OAF: variants seen among roughly 807,000 people sequenced by gnomAD.
OAF encodes out at first protein homolog.
Under a neutral mutation model 22.5 loss-of-function variants are expected in OAF, and 13 were observed. The ratio of observed to expected loss-of-function variants is 0.58; its 90% CI spans 0.38 to 0.92. OAF has a LOEUF of 0.92. OAF is among the 40% of genes least tolerant of loss of function. The probability of loss-of-function intolerance (pLI) is 0.00; values close to 1 mark genes in which losing one functional copy is unlikely to be tolerated. For synonymous variants in OAF, 175 were observed against 170.5 expected, an observed-to-expected ratio of 1.03 and a Z score of -0.21; for missense variants, 347 against 381.8, an observed-to-expected ratio of 0.91 and a Z score of 0.76.
intron 1 of OAF, among the ~76,000 whole-genome samples, chr11:120,219,511 C>G (rs544144743): frequency 6.6e-6 from 1 of 152,196 alleles, no homozygotes; most frequent in Non-Finnish European, 1.5e-5. Flanking sequence ...GGCTCCCTCC[C>G]CACCCTCAGT....
intron 1 of OAF, among the ~76,000 whole-genome samples, chr11:120,224,226 T>C (rs115429004): frequency 6.6e-6 from 1 of 152,146 alleles, no homozygotes; most frequent in South Asian, 2.1e-4. Context: ...TTTACAATAA[T>C]GGCAAGTAAG....
intron 1 of OAF, among the ~76,000 whole-genome samples, chr11:120,212,751 G>T (rs1292235189): frequency 1.3e-5 from 2 of 148,218 alleles, no homozygotes; most frequent in African/African-American, 2.5e-5. Context: ...GGTGGGTGGG[G>T]TTGGGGGGTG....
At chr11:120,213,480 T>TCAC (rs1432538400) in intron 1 of OAF, among the ~76,000 whole-genome samples, 13 of 152,146 alleles carry the variant, frequency 8.5e-5, no homozygotes, top group African/African-American at 2.4e-5. Context: ...TCCAATTTCA[T>TCAC]CAGCAAGGGA....
intron 1 of OAF, among the ~76,000 whole-genome samples, chr11:120,216,832 C>G (rs1017882600): frequency 1.3e-5 from 2 of 152,228 alleles, no homozygotes; most frequent in Admixed American, 6.5e-5. Flanking sequence ...GACTCCTGTT[C>G]CGCTGGCGGA....
chr11:120,229,009 A>T lies in OAF; in HGVS notation c.689A>T (p.Lys230Met). The T allele has an allele frequency of 6.2e-7, 1 of 1,613,546 alleles. No homozygotes were observed. Among genetic ancestry groups the T allele is most frequent in the Non-Finnish European group, 8.5e-7 (1 of 1,180,002 alleles). The change falls in exon 4 of 4, where the codon AAG (lysine) becomes ATG (methionine). Residue 230 changes from lysine (K) to methionine (M), a missense_variant. By Grantham distance (95) the Lys-to-Met change is moderately conservative. Coordinates refer to ENST00000328965, the MANE Select transcript of OAF (RefSeq NM_178507.4). ...CTGGCCTGGTACCCCTGCATGCTCA[A>T]GTACTGCCACAGCCGCGACCGGCCC... Reference protein sequence around the residue: ...LSLAWYPCMLKYCHSRDRPTP... With the variant: ...LSLAWYPCMLMYCHSRDRPTP...
Position 120,228,926 on chromosome 11 carries a change from T to C in OAF, c.606T>C (p.Pro202=). ...LPKASEQAEL[P]RCRQVGDHGK... is the part of the protein sequence containing the mutation. Reference sequence around the variant, plus strand: ...AGGCCTCAGAGCAGGCGGAGCTGCCTCGCTGCAGGCAGGTGGGGGACCACG... The same window carrying C: ...AGGCCTCAGAGCAGGCGGAGCTGCCCCGCTGCAGGCAGGTGGGGGACCACG... Residue 202 remains proline, a synonymous_variant, in exon 4 of 4, where the codon CCT becomes CCC. Coordinates refer to ENST00000328965, the MANE Select transcript of OAF (RefSeq NM_178507.4). The C allele has an allele frequency of 6.4e-6, 10 of 1,573,346 alleles. No individual in the cohort carries two copies. The highest frequency in any genetic ancestry group is 8.7e-6 in the Non-Finnish European group (10 of 1,155,556).
At chr11:120,211,565 C>T (rs984549144) in intron 1 of OAF, 55 bp downstream of exon 1, 207 of 1,250,570 alleles carry the variant, frequency 1.7e-4, no homozygotes, top group Admixed American at 2.6e-4. Context: ...CCCCCGGGAT[C>T]CCAGGCGCTC....
rs114033849 is a variant in OAF, at chr11:120,222,184, C to A, written c.232-3477C>A. On this transcript the variant is annotated intron_variant, in intron 1 of 3. Coordinates refer to ENST00000328965, the MANE Select transcript of OAF (RefSeq NM_178507.4). The stretch of plus-strand genomic sequence containing the variant: ...GGACACTGGTCAGGATGATGGAGTC[C>A]TGTTACCAAATAGACCCAGAAAGTA... Among the ~76,000 whole-genome samples, 875 of 152,284 alleles carry A rather than the reference C, an allele frequency of 5.7e-3. 10 individuals carry two copies. Among genetic ancestry groups the A allele is most frequent in the African/African-American group, 0.019 (801 of 41,528 alleles).
intron 1 of OAF, among the ~76,000 whole-genome samples, chr11:120,224,299 C>T (rs947065785): frequency 1.2e-4 from 18 of 152,332 alleles, no homozygotes; most frequent in Admixed American, 6.5e-4. Context: ...GACATGCACT[C>T]GTTTGTTGCA....
chr11:120,216,808 A>T (rs1159998757), intron 1 of OAF, among the ~76,000 whole-genome samples: 7 of 152,182 alleles, frequency 4.6e-5, no homozygotes, highest in Non-Finnish European at 1.5e-5. Context: ...GGTGGTGGAG[A>T]TAAACTTAGG....
chr11:120,225,808 C>T lies in OAF; in HGVS notation c.366+13C>T, dbSNP rs1298366026. The stretch of plus-strand genomic sequence containing the variant: ...CAAGCTCCGGCAGGTAAGTGCCCCA[C>T]CAGGCCTGCCTGGCCCAGGTCCTGA... On this transcript the variant is annotated intron_variant, in intron 2 of 3. Coordinates refer to ENST00000328965, the MANE Select transcript of OAF (RefSeq NM_178507.4). The T allele has an allele frequency of 1.1e-5, 17 of 1,593,334 alleles. No homozygotes were observed. The Middle Eastern group carries it at 5.0e-4, about 47-fold the overall frequency.
At chr11:120,219,399 G>C (rs960853287) in intron 1 of OAF, among the ~76,000 whole-genome samples, 4 of 152,194 alleles carry the variant, frequency 2.6e-5, no homozygotes, top group Non-Finnish European at 4.4e-5. Context: ...AACAGCGGCT[G>C]AGGCCGTGGC....
rs1183912757 is a variant in OAF at position 120,211,424 on chromosome 11, C to G, written c.145C>G (p.Gln49Glu). Residue 49 changes from glutamine to glutamate, a missense_variant, in exon 1 of 4, where the codon CAG becomes GAG. By Grantham distance (29) the Gln-to-Glu change is conservative (BLOSUM62 2). Coordinates refer to ENST00000328965, the MANE Select transcript of OAF (RefSeq NM_178507.4). ...CGGCCAGGTGACCGAGGAGAGCCTG[C>G]AGGCGGACAGCGACGCGGACAGCAT... ...PDGQVTEESL[Q>E]ADSDADSISL... 7 of 1,555,250 alleles carry G rather than the reference C, an allele frequency of 4.5e-6. No homozygotes were observed. In the South Asian group the frequency reaches 8.3e-5, roughly 18 times the overall value.
Position 120,211,098 on chromosome 11 carries a change from G to A in OAF, c.-182G>A, listed in dbSNP as rs1938135188. The stretch of plus-strand genomic sequence containing the variant: ...TCTCCGCCTCGGGGCCGCCGGGGGC[G>A]CCCTGCTGAGCGCTACCCACGTGCG... On this transcript the variant is annotated 5_prime_UTR_variant, in exon 1 of 4. Coordinates refer to ENST00000328965, the MANE Select transcript of OAF (RefSeq NM_178507.4). The A allele has an allele frequency of 1.4e-5, 3 of 212,972 alleles. No individual in the cohort carries two copies. Among genetic ancestry groups the A allele is most frequent in the Non-Finnish European group, 1.8e-5 (2 of 110,232 alleles). The allele number at this position is 212,972 out of a possible 1,614,324, so 13.2% of individuals were successfully genotyped here.
chr11:120,216,850 G>A (rs1460383554), intron 1 of OAF, among the ~76,000 whole-genome samples: 1 of 152,346 alleles, frequency 6.6e-6, no homozygotes, highest in South Asian at 2.1e-4. Flanking sequence ...GGAGGGCCCA[G>A]CCTTGAAGTG....
chr11:120,229,410 C>A lies in OAF; in HGVS notation c.*268C>A. On this transcript the variant is annotated 3_prime_UTR_variant, in exon 4 of 4. Coordinates refer to ENST00000328965, the MANE Select transcript of OAF (RefSeq NM_178507.4). ...GCTCCCCAGATCTACACCCCTCCCT[C>A]CTGCATCTCCCCTGGAGTGTTCACT... 2.1e-6 allele frequency: 1 copy of A among 475,248 alleles called. No homozygotes were observed. 29.4% of individuals were successfully genotyped at this position (475,248 alleles called of 1,614,324 possible).
intron 3 of OAF, 43 bp from the exon 4 acceptor site, chr11:120,228,825 T>TGACAA: frequency 2.3e-6 from 1 of 434,174 alleles, no homozygotes; most frequent in Non-Finnish European, 4.7e-6. Context: ...GCTCCTTCCC[T>TGACAA]CCCTCCCTCC....
chr11:120,222,024 G>C (rs748567539), intron 1 of OAF, among the ~76,000 whole-genome samples: 5 of 152,200 alleles, frequency 3.3e-5, no homozygotes, highest in Non-Finnish European at 7.4e-5. Flanking sequence ...AAGGAGGAAG[G>C]CTGGGAGTCA....
intron 1 of OAF, among the ~76,000 whole-genome samples, chr11:120,215,924 T>A (rs1443141592): frequency 6.6e-6 from 1 of 151,908 alleles, no homozygotes; most frequent in Non-Finnish European, 1.5e-5. Context: ...CCCTTTCCCC[T>A]CCCAGCATCA....
Sources: allele counts gnomAD v4.1 joint callset (sites outside exome capture counted in the v4.1 genomes callset), GRCh38; gene constraint gnomAD v4.1.1; transcripts MANE v1.5; gene names NCBI Gene and HGNC (gene_info 2026-07-23, HGNC 2026-07-21).